PIK3C2A: variants seen among roughly 807,000 people sequenced by gnomAD.
PIK3C2A encodes the protein phosphatidylinositol 4-phosphate 3-kinase C2 domain-containing subunit alpha.
In PIK3C2A, 97 loss-of-function variants were observed where a neutral mutation model predicts 204.5. That is an observed-to-expected ratio of 0.47 (90% CI 0.40 to 0.56). PIK3C2A has a LOEUF of 0.56. PIK3C2A is among the 20% of genes least tolerant of loss of function. The pLI, the probability that PIK3C2A is intolerant of heterozygous loss-of-function variation, is 0.00. For synonymous variants in PIK3C2A, 653 were observed against 664.4 expected, an observed-to-expected ratio of 0.98 and a Z score of 0.26; for missense variants, 1,735 against 1,969.2, an observed-to-expected ratio of 0.88 and a Z score of 2.25.
chr11:17,173,936 G>T (rs559470467), intron 1 of PIK3C2A, among the ~76,000 whole-genome samples: 13 of 152,242 alleles, frequency 8.5e-5, no homozygotes, highest in African/African-American at 2.9e-4. Flanking sequence ...CCGAGTAGCT[G>T]GGATTACAGG....
At chr11:17,192,508 C>T (rs746850137) in intron 1 of PIK3C2A, among the ~76,000 whole-genome samples, 2 of 152,142 alleles carry the variant, frequency 1.3e-5, no homozygotes, top group Admixed American at 6.5e-5. Context: ...AGTACAGTGG[C>T]GCAATCTCAG....
intron 8 of PIK3C2A, among the ~76,000 whole-genome samples, chr11:17,141,661 T>C (rs1033768554): frequency 1.3e-5 from 2 of 152,236 alleles, no homozygotes; most frequent in African/African-American, 4.8e-5. Flanking sequence ...TAATGAGCTT[T>C]TTATCTTCCA....
chr11:17,139,263 T>C (rs1164366314), intron 8 of PIK3C2A, among the ~76,000 whole-genome samples: 1 of 150,302 alleles, frequency 6.7e-6, no homozygotes, highest in Non-Finnish European at 1.5e-5. Context: ...AATCTCACTC[T>C]GTCACCCAGG....
chr11:17,103,442 T>C (rs1848708673), intron 23 of PIK3C2A, among the ~76,000 whole-genome samples: 1 of 152,174 alleles, frequency 6.6e-6, no homozygotes. Flanking sequence ...AGCATGTGTA[T>C]TTAGTTTATT....
chr11:17,109,952 T>A lies in PIK3C2A; in HGVS notation c.3544+480A>T, dbSNP rs183704317. Among the ~76,000 whole-genome samples, 528 of 152,070 alleles carry A rather than the reference T, an allele frequency of 3.5e-3. 3 individuals carry two copies. The highest frequency in any genetic ancestry group is 6.0e-3 in the African/African-American group (248 of 41,478). ...TTTAGGCTACACTAGGTTAAAAAAATTTTTTTTTAATTTATTTTGAGATAG... is the reference window on the plus strand; with the variant it reads ...TTTAGGCTACACTAGGTTAAAAAAAATTTTTTTTAATTTATTTTGAGATAG... On this transcript the variant is annotated intron_variant, in intron 22 of 32. Transcript: ENST00000691414.
At chr11:17,149,985 T>C (rs540969969) in intron 4 of PIK3C2A, among the ~76,000 whole-genome samples, 1 of 152,122 alleles carries the variant, frequency 6.6e-6, no homozygotes, top group Non-Finnish European at 1.5e-5. Context: ...ATATATATTA[T>C]GAAATGCAAT....
rs1360480094 is a variant in PIK3C2A at position 17,101,356 on chromosome 11, C to T, written c.3930G>A (p.Gln1310=). Residue 1310 remains glutamine, a synonymous_variant, in exon 25 of 33, where the codon CAG becomes CAA. Transcript: ENST00000691414. ...CCTGACAGCAGAGGTCCACAAACAACTGAAAACGAATGGTGGGCTTTTCAC... is the reference window on the plus strand; with the variant it reads ...CCTGACAGCAGAGGTCCACAAACAATTGAAAACGAATGGTGGGCTTTTCAC... ...NGGEKPTIRF[Q]LFVDLCCQAY... The T allele has an allele frequency of 6.2e-7, 1 of 1,600,058 alleles. No individual in the cohort carries two copies. The highest frequency in any genetic ancestry group is 1.1e-5 in the South Asian group (1 of 89,748).
At chr11:17,165,593 T>C (rs1031213668) in intron 2 of PIK3C2A, among the ~76,000 whole-genome samples, 3 of 151,696 alleles carry the variant, frequency 2.0e-5, no homozygotes, top group Non-Finnish European at 4.4e-5. Flanking sequence ...CTGACCAACA[T>C]GGAGAAACCG....
chr11:17,157,355 G>A (rs1403191746), intron 2 of PIK3C2A, among the ~76,000 whole-genome samples: 1 of 151,190 alleles, frequency 6.6e-6, no homozygotes, highest in Admixed American at 6.6e-5. Flanking sequence ...AGCTACTCAG[G>A]AGGCTGAGGC....
rs1849828330 is a variant in PIK3C2A, at chr11:17,135,114, T to G, written c.1894A>C (p.Arg632=). Residue 632 remains arginine (R), a synonymous_variant, in exon 10 of 33, where the codon AGG becomes CGG. Transcript: ENST00000691414. ...ATTTAAAGATTTAAACACATACCCCTAGTTGAACTCCTGCTAGTGTCTTCT... is the reference window on the plus strand; with the variant it reads ...ATTTAAAGATTTAAACACATACCCCGAGTTGAACTCCTGCTAGTGTCTTCT... ...GGEDTSRSST[R]GSLNPENPVQ... The G allele has an allele frequency of 6.2e-7, 1 of 1,613,756 alleles. No individual in the cohort carries two copies. The highest frequency in any genetic ancestry group is 1.3e-5 in the African/African-American group (1 of 74,910).
At position 17,089,778 on chromosome 11, in the gene PIK3C2A, G is replaced by A. The variant is rs747006507; in HGVS notation, c.5021C>T (p.Thr1674Met). ...PLKDFNLSKE[T>M]VKWYQLTAAT... ...CGCAGTCAGCTGATACCATTTAACC[G>A]TCTCTTTGCTCAAGTTGAAATCTTT... The change falls in exon 33 of 33, where the codon ACG becomes ATG. Residue 1674 changes from threonine to methionine, a missense_variant. Around this residue, in one of 6 missense-constraint regions of PIK3C2A, gnomAD observed 503 missense variants for 669.0 expected, o/e 0.75. Transcript: ENST00000691414. The A allele has an allele frequency of 2.0e-5, 33 of 1,613,650 alleles. No homozygotes were observed. In the East Asian group the frequency reaches 2.5e-4, roughly 12 times the overall value.
intron 3 of PIK3C2A, among the ~76,000 whole-genome samples, chr11:17,153,912 A>C (rs890232638): frequency 6.6e-6 from 1 of 152,182 alleles, no homozygotes; most frequent in African/African-American, 2.4e-5. Context: ...CCTCATCTCA[A>C]TCTCCATGGT....
At chr11:17,103,852 T>C (rs974558725) in intron 23 of PIK3C2A, among the ~76,000 whole-genome samples, 2 of 152,216 alleles carry the variant, frequency 1.3e-5, no homozygotes, top group Admixed American at 6.5e-5. Flanking sequence ...TAAAAGATGC[T>C]TAATGTATGC....
Position 17,119,213 on chromosome 11 carries a change from A to C in PIK3C2A, c.2940+7T>G, listed in dbSNP as rs765355154. On this transcript the variant is annotated splice_region_variant and intron_variant, in intron 17 of 32. Coordinates refer to ENST00000691414, the MANE Select transcript of PIK3C2A (RefSeq NM_002645.4). ...TATAAAGGGAGGTAATCTAGTAAAA[A>C]ACTCACTTGTACAAACTGTGGAAGA... is the stretch of plus-strand genomic sequence containing the variant. 1.3e-6 allele frequency: 2 copies of C among 1,511,640 alleles called. No individual in the cohort carries two copies. The highest frequency in any genetic ancestry group is 2.3e-5 in the South Asian group (2 of 86,366). 93.6% of individuals were successfully genotyped at this position (1,511,640 alleles called of 1,614,324 possible). A position where few individuals can be genotyped will look rare whatever the true frequency, so the allele number is the denominator to read the frequency against.
intron 13 of PIK3C2A, among the ~76,000 whole-genome samples, chr11:17,128,060 C>T (rs974774839): frequency 6.6e-6 from 1 of 152,044 alleles, no homozygotes; most frequent in African/African-American, 2.4e-5. Context: ...ATAAAATCAC[C>T]ACTTATTTCA....
At chr11:17,179,495 A>G (rs921216573) in intron 1 of PIK3C2A, among the ~76,000 whole-genome samples, 3 of 152,238 alleles carry the variant, frequency 2.0e-5, no homozygotes, top group African/African-American at 7.2e-5. Context: ...CTTATCCTTT[A>G]TAACTTTTTA....
At chr11:17,118,580 A>G in intron 18 of PIK3C2A, 65 bp downstream of exon 18, 2 of 751,996 alleles carry the variant, frequency 2.7e-6, no homozygotes, top group Admixed American at 4.3e-5. Context: ...TTAGACTTAC[A>G]GGGTATGCCA....
At chr11:17,107,106 G>A (rs1053858819) in intron 22 of PIK3C2A, among the ~76,000 whole-genome samples, 28 of 152,270 alleles carry the variant, frequency 1.8e-4, no homozygotes, top group Non-Finnish European at 3.4e-4. Flanking sequence ...AAGGTCAGGA[G>A]ATCGAGACCA....
At chr11:17,108,347 C>T (rs1848897291) in intron 22 of PIK3C2A, among the ~76,000 whole-genome samples, 1 of 152,196 alleles carries the variant, frequency 6.6e-6, no homozygotes, top group African/African-American at 2.4e-5. Flanking sequence ...TGCATGCCTA[C>T]ACTCCCTGCT....
Sources: allele counts gnomAD v4.1 joint callset (sites outside exome capture counted in the v4.1 genomes callset), GRCh38; gene constraint gnomAD v4.1.1; regional missense constraint gnomAD v4.1.1; transcripts MANE v1.5; gene names NCBI Gene and HGNC (gene_info 2026-07-23, HGNC 2026-07-21).